MIS18A: variants seen among roughly 807,000 people sequenced by gnomAD.
MIS18A encodes the protein protein Mis18-alpha.
MIS18A carries 14 observed loss-of-function variants against 25.0 expected under a neutral mutation model. The observed-to-expected ratio is 0.56, with a 90% confidence interval of 0.37 to 0.88. MIS18A has a LOEUF of 0.88. MIS18A is among the 40% of genes least tolerant of loss of function. MIS18A has a pLI of 0.00. For synonymous variants in MIS18A, 134 were observed against 118.6 expected (o/e 1.13, Z -0.84); for missense variants, 292 against 290.8 (o/e 1.00, Z -0.03).
the MIS18A span, among the ~76,000 whole-genome samples, chr21:32,182,267 T>C: frequency 6.6e-6 from 1 of 152,194 alleles, no homozygotes; most frequent in Non-Finnish European, 1.5e-5. Context: ...GCCATGGCTC[T>C]AGATAGGGAG....
chr21:32,167,631 A>G, the MIS18A span, among the ~76,000 whole-genome samples: 1 of 152,222 alleles, frequency 6.6e-6, no homozygotes, highest in Non-Finnish European at 1.5e-5. Context: ...GACATGTACC[A>G]CACAGTGAAA....
the MIS18A span, among the ~76,000 whole-genome samples, chr21:32,187,014 T>C: frequency 6.6e-6 from 1 of 152,178 alleles, no homozygotes; most frequent in Non-Finnish European, 1.5e-5. Context: ...ACATGACATA[T>C]GAATGCTAAA....
chr21:32,230,789 C>G, the MIS18A span, among the ~76,000 whole-genome samples: 1 of 152,148 alleles, frequency 6.6e-6, no homozygotes, highest in South Asian at 2.1e-4. Context: ...TACAAGAAAA[C>G]ACAGGGGTAA....
rs1229128064 is a variant in MIS18A at position 32,268,341 on chromosome 21, T to TAA, written c.*695_*696insTT. The TAA allele has an allele frequency of 1.3e-5, 2 of 152,222 alleles. No individual in the cohort carries two copies. Among genetic ancestry groups the TAA allele is most frequent in the Non-Finnish European group, 2.9e-5 (2 of 68,048 alleles). 9.4% of individuals were successfully genotyped at this position (152,222 alleles called of 1,614,324 possible). A position where few individuals can be genotyped will look rare whatever the true frequency, so the allele number is the denominator to read the frequency against. On this transcript the variant is annotated 3_prime_UTR_variant, in exon 5 of 5. Transcript: ENST00000290130. ...CCAGAATCCCACCCTCAGAGATGGT[T>TAA]ACTCCTCTTTGGTAAGTATTCCTCC...
chr21:32,176,756 T>C, the MIS18A span, among the ~76,000 whole-genome samples: 1 of 150,672 alleles, frequency 6.6e-6, no homozygotes, highest in East Asian at 2.0e-4. Flanking sequence ...GAAAAGCGTA[T>C]AACAACTGAA....
At chr21:32,166,597 TTAAC>T in the MIS18A span, among the ~76,000 whole-genome samples, 11 of 152,170 alleles carry the variant, frequency 7.2e-5, no homozygotes, top group Middle Eastern at 3.4e-3. Flanking sequence ...AATTAATTAA[TTAAC>T]TAAGTAACAT....
the MIS18A span, among the ~76,000 whole-genome samples, chr21:32,203,726 C>T: frequency 6.7e-6 from 1 of 149,278 alleles, no homozygotes; most frequent in Non-Finnish European, 1.5e-5. Flanking sequence ...AAGTGATCCT[C>T]CCACTTCAGC....
chr21:32,271,764 G>A (rs2031718052), intron 2 of MIS18A, among the ~76,000 whole-genome samples: 1 of 149,908 alleles, frequency 6.7e-6, no homozygotes, highest in East Asian at 1.9e-4. Context: ...ATGTTTATAT[G>A]AGAAATAAAA....
the MIS18A span, among the ~76,000 whole-genome samples, chr21:32,250,944 C>A: frequency 6.6e-6 from 1 of 152,316 alleles, no homozygotes; most frequent in East Asian, 1.9e-4. Flanking sequence ...GCAATTGAAT[C>A]ATGGGGATGG....
the MIS18A span, among the ~76,000 whole-genome samples, chr21:32,192,455 T>C: frequency 4.6e-5 from 7 of 152,118 alleles, no homozygotes; most frequent in African/African-American, 1.7e-4. Flanking sequence ...CTCCAGGAGC[T>C]TGGCAAATTC....
At chr21:32,181,793 G>A in the MIS18A span, among the ~76,000 whole-genome samples, 1 of 152,158 alleles carries the variant, frequency 6.6e-6, no homozygotes, top group African/African-American at 2.4e-5. Context: ...TCTGAGACAT[G>A]TGTTTGCCCA....
intron 2 of MIS18A, 70 bp from the exon 3 acceptor site, chr21:32,270,599 A>G: frequency 6.9e-7 from 1 of 1,447,862 alleles, no homozygotes; most frequent in Non-Finnish European, 9.1e-7. Flanking sequence ...CTCACTGTTA[A>G]AATCCATAAA....
intron 3 of MIS18A, 83 bp from the exon 4 acceptor site, chr21:32,269,886 A>G (rs1418924783): frequency 1.2e-6 from 1 of 855,898 alleles, no homozygotes; most frequent in East Asian, 2.5e-5. Context: ...CTGAGACAGA[A>G]GGATCATCTG....
the MIS18A span, among the ~76,000 whole-genome samples, chr21:32,213,562 G>T: frequency 1.3e-5 from 2 of 152,186 alleles, no homozygotes; most frequent in African/African-American, 2.4e-5. Context: ...TGGGAGATGG[G>T]AGAAGAGAGT....
chr21:32,209,864 T>C, the MIS18A span, among the ~76,000 whole-genome samples: 1 of 152,232 alleles, frequency 6.6e-6, no homozygotes, highest in Non-Finnish European at 1.5e-5. Context: ...GTAAGTTTCC[T>C]GAGGCCTCCG....
chr21:32,220,917 G>A, the MIS18A span, among the ~76,000 whole-genome samples: 7 of 152,048 alleles, frequency 4.6e-5, no homozygotes, highest in African/African-American at 1.7e-4. Context: ...AAAGTGTGAA[G>A]ACAAGATTAG....
chr21:32,270,941 T>C (rs919700805), intron 2 of MIS18A, among the ~76,000 whole-genome samples: 20 of 152,210 alleles, frequency 1.3e-4, no homozygotes, highest in Admixed American at 6.5e-4. Context: ...TGTGTTCCAA[T>C]AAACTCGTAT....
the MIS18A span, among the ~76,000 whole-genome samples, chr21:32,245,455 G>A: frequency 2.0e-5 from 3 of 152,178 alleles, no homozygotes; most frequent in Non-Finnish European, 4.4e-5. Flanking sequence ...ACAGAGGGAC[G>A]AAGAGTCAAA....
chr21:32,220,190 T>G, the MIS18A span, among the ~76,000 whole-genome samples: 54 of 152,270 alleles, frequency 3.5e-4, 1 homozygote, highest in East Asian at 0.01. Context: ...GTGAGACACC[T>G]CCCAGCAGGG....
Sources: gnomAD v4.1 joint callset for allele counts (sites outside exome capture counted in the v4.1 genomes callset) on GRCh38, gnomAD v4.1.1 for gene constraint, MANE v1.5 for transcripts, NCBI Gene and HGNC (gene_info 2026-07-23, HGNC 2026-07-21) for gene names.